Variants in PATJ observed in about 807,000 individuals in gnomAD.
The protein encoded by PATJ is PATJ crumbs cell polarity complex component, also known as inaD-like protein.
In PATJ, 190 loss-of-function variants were observed where a neutral mutation model predicts 224.9. The ratio of observed to expected loss-of-function variants is 0.84; its 90% CI spans 0.75 to 0.95. The LOEUF (loss-of-function observed/expected upper bound fraction) is 0.95. PATJ is among the 40% of genes least tolerant of loss of function. The pLI is 0.00. For missense variants in PATJ, 2,121 were observed against 2,270.3 expected (o/e 0.93, Z 1.34); for synonymous variants, 769 against 820.3 (o/e 0.94, Z 1.07).
At chr1:62,160,782 C>T in intron 43 of PATJ, 126 bp from the exon 44 acceptor site, 1 of 939,242 alleles carries the variant, frequency 1.1e-6, no homozygotes, top group Non-Finnish European at 1.5e-6. Flanking sequence ...CTAGAAAAAA[C>T]TTAATTGGTA....
intron 22 of PATJ, among the ~76,000 whole-genome samples, chr1:61,887,786 T>C (rs932029012): frequency 6.6e-6 from 1 of 152,132 alleles, no homozygotes. Context: ...GGTGTGGCAT[T>C]ATGAGTAGGG....
intron 17 of PATJ, among the ~76,000 whole-genome samples, chr1:61,834,254 C>G (rs1341274422): frequency 6.6e-6 from 1 of 152,192 alleles, no homozygotes; most frequent in African/African-American, 2.4e-5. Flanking sequence ...TCATACTCTC[C>G]TCTCCCTCCC....
intron 33 of PATJ, among the ~76,000 whole-genome samples, chr1:62,092,064 A>G (rs1660808444): frequency 6.6e-6 from 1 of 151,478 alleles, no homozygotes; most frequent in Non-Finnish European, 1.5e-5. Context: ...AAAAAAAAAA[A>G]AAAGGAAAGA....
At chr1:61,873,009 GA>G (rs1666846694) in intron 20 of PATJ, among the ~76,000 whole-genome samples, 1 of 151,966 alleles carries the variant, frequency 6.6e-6, no homozygotes, top group African/African-American at 2.4e-5. Flanking sequence ...CCACTTTACA[GA>G]AAAAGTAGAC....
rs1668293658 is a variant in PATJ, at chr1:62,148,410, A to G, written c.5378+20A>G. 1.9e-6 allele frequency: 3 copies of G among 1,544,452 alleles called. No homozygotes were observed. Among genetic ancestry groups the G allele is most frequent in the Non-Finnish European group, 2.7e-6 (3 of 1,116,338 alleles). ...CACAGAGTGAGTATTTCAGATGCAG[A>G]GGGCCTATTATGCATGTGGGCAAAG... On this transcript the variant is annotated intron_variant, in intron 42 of 43. Coordinates refer to ENST00000642238, the MANE Select transcript of PATJ (RefSeq NM_001350145.3).
intron 1 of PATJ, among the ~76,000 whole-genome samples, chr1:61,755,948 C>G (rs1645615061): frequency 6.6e-6 from 1 of 152,030 alleles, no homozygotes; most frequent in Non-Finnish European, 1.5e-5. Context: ...ATTACAGGCA[C>G]CTGCCACCAC....
At chr1:61,998,242 G>A (rs1228606959) in intron 28 of PATJ, among the ~76,000 whole-genome samples, 1 of 148,018 alleles carries the variant, frequency 6.8e-6, no homozygotes, top group Non-Finnish European at 1.5e-5. Flanking sequence ...ATCAGGCCTG[G>A]CTAATTTTTT....
intron 7 of PATJ, among the ~76,000 whole-genome samples, chr1:61,780,974 C>T (rs1647226890): frequency 6.6e-6 from 1 of 152,158 alleles, no homozygotes; most frequent in South Asian, 2.1e-4. Context: ...GAAGGAAGTA[C>T]TTACGCCAGA....
At chr1:62,084,463 G>A (rs1172979037) in intron 32 of PATJ, 52 bp from the exon 33 acceptor site, 21 of 1,571,906 alleles carry the variant, frequency 1.3e-5, no homozygotes, top group Admixed American at 1.9e-5. Flanking sequence ...GAACGTGCAG[G>A]CTGAGCTGCA....
chr1:61,811,904 A>G (rs964113515), intron 14 of PATJ, among the ~76,000 whole-genome samples: 1 of 151,430 alleles, frequency 6.6e-6, no homozygotes, highest in East Asian at 2.0e-4. Flanking sequence ...TACTAAAAAT[A>G]CAAAAAATTA....
intron 22 of PATJ, among the ~76,000 whole-genome samples, chr1:61,895,674 C>T (rs72676236): frequency 0.022 from 3,377 of 152,236 alleles, 65 homozygotes; most frequent in Non-Finnish European, 0.033. Context: ...CGGGCAGAGC[C>T]CTCATGGAGA....
intron 25 of PATJ, among the ~76,000 whole-genome samples, chr1:61,912,586 G>C (rs1672819340): frequency 6.7e-6 from 1 of 150,350 alleles, no homozygotes. Context: ...GGGTGACAGA[G>C]TGAGACTCTG....
At chr1:62,117,977 A>G (rs1430054540) in intron 37 of PATJ, among the ~76,000 whole-genome samples, 1 of 152,138 alleles carries the variant, frequency 6.6e-6, no homozygotes, top group African/African-American at 2.4e-5. Context: ...TTATTTCTGA[A>G]GCCTCTCCAA....
chr1:62,127,848 C>A, intron 39 of PATJ, 124 bp from the exon 40 acceptor site: 1 of 868,486 alleles, frequency 1.2e-6, no homozygotes, highest in Non-Finnish European at 1.8e-6. Context: ...CCACATTTAA[C>A]TCCTATGTTA....
chr1:61,785,532 G>T (rs1449833628), intron 7 of PATJ, among the ~76,000 whole-genome samples: 1 of 152,174 alleles, frequency 6.6e-6, no homozygotes, highest in Non-Finnish European at 1.5e-5. Flanking sequence ...TCATTTGAAA[G>T]TTGTCCTTCT....
chr1:61,970,921 T>C (rs1682888959), intron 27 of PATJ, among the ~76,000 whole-genome samples: 1 of 152,214 alleles, frequency 6.6e-6, no homozygotes, highest in African/African-American at 2.4e-5. Context: ...CTAATACTCA[T>C]TGAAGTAGAA....
chr1:62,074,128 A>G (rs1407346964), intron 31 of PATJ, among the ~76,000 whole-genome samples: 1 of 150,798 alleles, frequency 6.6e-6, no homozygotes, highest in South Asian at 2.1e-4. Flanking sequence ...TTTACAGGAA[A>G]TATATATTTC....
intron 7 of PATJ, 87 bp downstream of exon 7, chr1:61,775,421 G>T: frequency 8.6e-7 from 1 of 1,162,872 alleles, no homozygotes; most frequent in Non-Finnish European, 1.2e-6. Flanking sequence ...TGAGTTACCA[G>T]GATATATGAC....
intron 9 of PATJ, among the ~76,000 whole-genome samples, chr1:61,795,257 A>G (rs1300765124): frequency 6.6e-6 from 1 of 152,138 alleles, no homozygotes; most frequent in East Asian, 1.9e-4. Flanking sequence ...TTTTAACGGA[A>G]GAGTAGTCAT....
Sources: allele counts gnomAD v4.1 joint callset (sites outside exome capture counted in the v4.1 genomes callset), GRCh38; gene constraint gnomAD v4.1.1; transcripts MANE v1.5; gene names NCBI Gene and HGNC (gene_info 2026-07-23, HGNC 2026-07-21).